Variants in SEMA5A observed in about 807,000 individuals in gnomAD.
The protein encoded by SEMA5A is semaphorin 5A, also known as semaphorin-5A.
A neutral mutation model predicts 135.5 loss-of-function variants in SEMA5A; 55 were observed. That is an observed-to-expected ratio of 0.41 (90% CI 0.33 to 0.51). SEMA5A has a LOEUF of 0.51. SEMA5A is among the 20% of genes least tolerant of loss of function. The pLI is 0.37. For synonymous variants in SEMA5A, 580 were observed against 546.5 expected (o/e 1.06, Z -0.85); for missense variants, 1,290 against 1,419.9 (o/e 0.91, Z 1.47).
chr5:9,167,564 G>T (rs967990912), intron 11 of SEMA5A, among the ~76,000 whole-genome samples: 1 of 152,088 alleles, frequency 6.6e-6, no homozygotes, highest in Non-Finnish European at 1.5e-5. Flanking sequence ...TTCTAGATCT[G>T]CATGCTTTGC....
At chr5:9,403,486 C>G (rs1371069189) in intron 2 of SEMA5A, among the ~76,000 whole-genome samples, 6 of 152,112 alleles carry the variant, frequency 3.9e-5, no homozygotes, top group African/African-American at 1.4e-4. Flanking sequence ...AGTTATTTCA[C>G]CTCACTAACA....
At chr5:9,235,468 A>T (rs1479030434) in intron 6 of SEMA5A, among the ~76,000 whole-genome samples, 1 of 151,858 alleles carries the variant, frequency 6.6e-6, no homozygotes, top group East Asian at 1.9e-4. Context: ...AAGATGAGAA[A>T]CCCTAAATTA....
At chr5:9,110,757 G>C (rs1329191600) in intron 15 of SEMA5A, among the ~76,000 whole-genome samples, 3 of 152,156 alleles carry the variant, frequency 2.0e-5, no homozygotes, top group Non-Finnish European at 4.4e-5. Flanking sequence ...GAACTGAACA[G>C]TTATCACTCT....
intron 11 of SEMA5A, among the ~76,000 whole-genome samples, chr5:9,162,961 C>A (rs978476305): frequency 6.6e-6 from 1 of 152,100 alleles, no homozygotes; most frequent in African/African-American, 2.4e-5. Context: ...TAAAAAGAGA[C>A]ATATGCAATC....
chr5:9,538,776 G>A (rs1685789031), intron 1 of SEMA5A, among the ~76,000 whole-genome samples: 1 of 152,210 alleles, frequency 6.6e-6, no homozygotes, highest in African/African-American at 2.4e-5. Context: ...AAGTGTTTCA[G>A]TATCAAAGAA....
intron 5 of SEMA5A, among the ~76,000 whole-genome samples, chr5:9,304,711 T>G (rs1751776899): frequency 6.6e-6 from 1 of 152,178 alleles, no homozygotes; most frequent in Admixed American, 6.5e-5. Context: ...TCTTCCTCCA[T>G]CAACATAGAT....
intron 5 of SEMA5A, among the ~76,000 whole-genome samples, chr5:9,270,568 G>A (rs1481847734): frequency 6.6e-6 from 1 of 152,074 alleles, no homozygotes; most frequent in Admixed American, 6.6e-5. Flanking sequence ...GCGGGGGAAA[G>A]TCGAGTCTGG....
chr5:9,292,435 C>G (rs1380147373), intron 5 of SEMA5A, among the ~76,000 whole-genome samples: 1 of 152,052 alleles, frequency 6.6e-6, no homozygotes, highest in Non-Finnish European at 1.5e-5. Flanking sequence ...GGACACACAC[C>G]CAGTAAGTTG....
chr5:9,085,262 A>G (rs1738615554), intron 16 of SEMA5A, among the ~76,000 whole-genome samples: 1 of 152,240 alleles, frequency 6.6e-6, no homozygotes, highest in African/African-American at 2.4e-5. Context: ...TTGCATAAGT[A>G]ACAAGGAGCC....
chr5:9,191,784 T>A (rs1336505368), intron 10 of SEMA5A, among the ~76,000 whole-genome samples: 1 of 152,220 alleles, frequency 6.6e-6, no homozygotes, highest in African/African-American at 2.4e-5. Context: ...CACCCCAAGT[T>A]CCACAGGCAA....
chr5:9,307,320 CAT>C (rs923175934), intron 5 of SEMA5A, among the ~76,000 whole-genome samples: 11 of 152,152 alleles, frequency 7.2e-5, no homozygotes, highest in African/African-American at 2.4e-4. Context: ...GTTTGTCAAA[CAT>C]ATGTTAAACA....
intron 2 of SEMA5A, among the ~76,000 whole-genome samples, chr5:9,417,088 C>A (rs1190402237): frequency 2.0e-5 from 3 of 152,230 alleles, no homozygotes; most frequent in African/African-American, 7.2e-5. Context: ...ATATCCTACA[C>A]AGATTTTCTC....
At chr5:9,521,318 G>A (rs1736817367) in intron 1 of SEMA5A, among the ~76,000 whole-genome samples, 1 of 152,212 alleles carries the variant, frequency 6.6e-6, no homozygotes, top group South Asian at 2.1e-4. Context: ...GCTGAGGTAG[G>A]AGAATCACTT....
chr5:9,305,864 G>T (rs1273795785), intron 5 of SEMA5A, among the ~76,000 whole-genome samples: 2 of 151,974 alleles, frequency 1.3e-5, no homozygotes, highest in African/African-American at 4.8e-5. Context: ...CAGCAGCTTT[G>T]TCATCTTCCA....
rs140010633 is a variant in SEMA5A at position 9,349,959 on chromosome 5, T to C, written c.125-12147A>G. On this transcript the variant is annotated intron_variant, in intron 3 of 22. Transcript: ENST00000382496. ...AAACATGCTATCAAAATAAAATTCA[T>C]TGAGGTATCTTTGTGTATGTGTATT... Among the ~76,000 whole-genome samples the C allele has an allele frequency of 2.5e-3, 379 of 152,096 alleles. 2 individuals are homozygous for C. Among genetic ancestry groups the C allele is most frequent in the Non-Finnish European group, 3.9e-3 (262 of 67,970 alleles).
At chr5:9,219,961 G>A (rs1469404018) in intron 8 of SEMA5A, among the ~76,000 whole-genome samples, 1 of 152,066 alleles carries the variant, frequency 6.6e-6, no homozygotes, top group African/African-American at 2.4e-5. Flanking sequence ...AGTCAGGGGA[G>A]TTAAAATTTT....
At chr5:9,528,393 T>C (rs1387798983) in intron 1 of SEMA5A, among the ~76,000 whole-genome samples, 1 of 152,128 alleles carries the variant, frequency 6.6e-6, no homozygotes, top group Non-Finnish European at 1.5e-5. Context: ...AGAAATGGGG[T>C]GGGAGATGGC....
rs1759112327 is a variant in SEMA5A, at chr5:9,462,972, T to C, written c.-174-25120A>G. Among the ~76,000 whole-genome samples the C allele has an allele frequency of 2.1e-5, 3 of 144,310 alleles. No homozygotes were observed. The South Asian group carries it at 7.0e-4, about 34-fold the overall frequency. 94.7% of individuals were successfully genotyped at this position (144,310 alleles called of 152,430 possible). On this transcript the variant is annotated intron_variant, in intron 1 of 22. Transcript: ENST00000382496. The stretch of plus-strand genomic sequence containing the variant: ...CAAACCCGCACATGTATCCCTGAAC[T>C]TAAAATAAAAGTTAAAAAAAAAAAA...
intron 2 of SEMA5A, among the ~76,000 whole-genome samples, chr5:9,436,597 T>C (rs1398382099): frequency 1.3e-5 from 2 of 152,210 alleles, no homozygotes; most frequent in Non-Finnish European, 2.9e-5. Context: ...AGAAAATCTC[T>C]GGATTATCTA....
Sources: allele counts gnomAD v4.1 joint callset (sites outside exome capture counted in the v4.1 genomes callset), GRCh38; gene constraint gnomAD v4.1.1; transcripts MANE v1.5; gene names NCBI Gene and HGNC (gene_info 2026-07-23, HGNC 2026-07-21).